Variants in NAV2 observed in about 807,000 individuals in gnomAD.
NAV2 encodes helicase, APC down-regulated 1.
A neutral mutation model predicts 223.2 loss-of-function variants in NAV2; 54 were observed. The ratio of observed to expected loss-of-function variants is 0.24; its 90% CI spans 0.19 to 0.30. The LOEUF (loss-of-function observed/expected upper bound fraction) is 0.30, where lower values mean the gene tolerates loss of function less well. Among genes scored for constraint, NAV2 ranks in the 10% least tolerant of loss-of-function variants. The pLI is 1.00. For synonymous variants in NAV2, 1,279 were observed against 1,239.3 expected, an observed-to-expected ratio of 1.03 and a Z score of -0.67; for missense variants, 2,806 against 3,147.5, an observed-to-expected ratio of 0.89 and a Z score of 2.60.
chr11:20,097,123 A>AT (rs1204591566), intron 30 of NAV2, among the ~76,000 whole-genome samples: 1 of 152,128 alleles, frequency 6.6e-6, no homozygotes, highest in Non-Finnish European at 1.5e-5. Context: ...TCTAGAGCTG[A>AT]TTTTTTCTAG....
At chr11:20,115,405 C>A (rs553682439) in intron 37 of NAV2, among the ~76,000 whole-genome samples, 1 of 151,796 alleles carries the variant, frequency 6.6e-6, no homozygotes. Flanking sequence ...GAGGCCAAGG[C>A]GGGTGGATCG....
intron 1 of NAV2, among the ~76,000 whole-genome samples, chr11:19,478,645 C>G (rs2042191076): frequency 6.6e-6 from 1 of 152,192 alleles, no homozygotes; most frequent in African/African-American, 2.4e-5. Flanking sequence ...GAGATAGTGC[C>G]CAATCTAAGC....
At position 20,117,730 on chromosome 11, in the gene NAV2, C is replaced by T. The variant is rs77064808; in HGVS notation, c.7165-403C>T. Reference sequence around the variant, plus strand: ...CCAGGAACAGGGATGCTCAGCCACACCTTCATCCAGGCCGAGGGCTAGGCC... The same window carrying T: ...CCAGGAACAGGGATGCTCAGCCACATCTTCATCCAGGCCGAGGGCTAGGCC... On this transcript the variant is annotated intron_variant, in intron 37 of 37. Transcript: ENST00000349880. Among the ~76,000 whole-genome samples, 620 of 152,274 alleles carry T rather than the reference C, an allele frequency of 4.1e-3. 4 individuals carry two copies. Among genetic ancestry groups the T allele is most frequent in the African/African-American group, 0.014 (586 of 41,562 alleles).
chr11:19,999,064 G>A (rs1411992760), intron 11 of NAV2, among the ~76,000 whole-genome samples: 1 of 152,224 alleles, frequency 6.6e-6, no homozygotes, highest in African/African-American at 2.4e-5. Flanking sequence ...CAGGGCTGAT[G>A]TGCAAAATGT....
chr11:19,512,767 T>C (rs913485452), intron 1 of NAV2, among the ~76,000 whole-genome samples: 2 of 152,208 alleles, frequency 1.3e-5, no homozygotes, highest in African/African-American at 4.8e-5. Context: ...GCAGTGTGTT[T>C]TCATACTGAC....
chr11:19,581,391 T>G (rs2045713046), intron 1 of NAV2, among the ~76,000 whole-genome samples: 1 of 152,188 alleles, frequency 6.6e-6, no homozygotes, highest in Non-Finnish European at 1.5e-5. Flanking sequence ...TTATTATACT[T>G]TAAGTTTTAG....
intron 10 of NAV2, among the ~76,000 whole-genome samples, chr11:19,951,032 G>C (rs1018926376): frequency 2.0e-5 from 3 of 152,140 alleles, no homozygotes; most frequent in East Asian, 3.9e-4. Flanking sequence ...AATCAAACAA[G>C]GTGGGTCAGA....
intron 1 of NAV2, among the ~76,000 whole-genome samples, chr11:19,739,231 A>G (rs777194767): frequency 1.3e-5 from 2 of 152,172 alleles, no homozygotes; most frequent in Non-Finnish European, 2.9e-5. Context: ...TTCCCTTGTA[A>G]TCCTCCCAAC....
intron 1 of NAV2, among the ~76,000 whole-genome samples, chr11:19,664,770 T>A (rs185889660): frequency 6.6e-6 from 1 of 152,324 alleles, no homozygotes; most frequent in South Asian, 2.1e-4. Context: ...TGGAGGAGAA[T>A]GTTGAGTTCC....
rs574575789 is a variant in NAV2 at position 19,808,479 on chromosome 11, T to C, written c.268-24005T>C. Among the ~76,000 whole-genome samples the C allele has an allele frequency of 2.4e-4, 37 of 152,368 alleles. 2 individuals carry two copies. In the South Asian group the frequency reaches 7.7e-3, roughly 32 times the overall value. ...GAAGCAGATGGTCTGCACAAAATGA[T>C]TAAATTAGTTTTATTAAGTTTGGAG... On this transcript the variant is annotated intron_variant, in intron 1 of 37. Coordinates refer to ENST00000349880, the MANE Select transcript of NAV2 (RefSeq NM_145117.5).
intron 1 of NAV2, among the ~76,000 whole-genome samples, chr11:19,433,873 CA>C (rs572753480): frequency 6.6e-6 from 1 of 152,074 alleles, no homozygotes; most frequent in African/African-American, 2.4e-5. Flanking sequence ...AGAAAAGTCT[CA>C]AAAAATAGAA....
At chr11:19,623,863 G>C (rs1171220652) in intron 1 of NAV2, among the ~76,000 whole-genome samples, 1 of 152,192 alleles carries the variant, frequency 6.6e-6, no homozygotes, top group African/African-American at 2.4e-5. Context: ...AGAATTTTCA[G>C]CTTTTCTGCT....
At chr11:19,822,940 G>A (rs998859731) in intron 1 of NAV2, among the ~76,000 whole-genome samples, 6 of 152,178 alleles carry the variant, frequency 3.9e-5, no homozygotes. Flanking sequence ...CTTCCCTGCT[G>A]TACCCTGGGG....
rs565465399 is a variant in NAV2 at position 19,776,984 on chromosome 11, TCC to T, written c.268-55496_268-55495del. The stretch of plus-strand genomic sequence containing the variant: ...TCCTCCCACCAACTCCGACCATCTT[TCC>T]CCCTTCGCGCCCACCGGCGGCAGTG... On this transcript the variant is annotated intron_variant, in intron 1 of 37. Coordinates refer to ENST00000349880, the MANE Select transcript of NAV2 (RefSeq NM_145117.5). Among the ~76,000 whole-genome samples, 269 of 151,032 alleles carry T rather than the reference TCC, an allele frequency of 1.8e-3. 1 individual carries two copies. The highest frequency in any genetic ancestry group is 2.9e-3 in the Non-Finnish European group (199 of 67,724).
chr11:20,118,313 C>T lies in NAV2; in HGVS notation c.*55C>T. ...TCTCCTCACCGCATTCCACCTGCAT[C>T]CCCCACATCACCCTGAAGATGACTT... On this transcript the variant is annotated 3_prime_UTR_variant, in exon 38 of 38. Transcript: ENST00000349880. 4 of 1,594,114 alleles carry T rather than the reference C, an allele frequency of 2.5e-6. No homozygotes were observed. Among genetic ancestry groups the T allele is most frequent in the Non-Finnish European group, 3.4e-6 (4 of 1,169,080 alleles).
intron 1 of NAV2, among the ~76,000 whole-genome samples, chr11:19,512,756 A>G (rs962906633): frequency 2.4e-4 from 36 of 152,234 alleles, no homozygotes; most frequent in Admixed American, 3.9e-4. Context: ...AGGGTTTCCC[A>G]GCAGTGTGTT....
At chr11:19,944,988 C>G (rs2046767164) in intron 8 of NAV2, among the ~76,000 whole-genome samples, 1 of 141,648 alleles carries the variant, frequency 7.1e-6, no homozygotes, top group Non-Finnish European at 1.6e-5. Context: ...TTTCCCTTTC[C>G]CTTTCCATTT....
chr11:19,867,556 A>G (rs1291129218), intron 3 of NAV2, among the ~76,000 whole-genome samples: 2 of 152,394 alleles, frequency 1.3e-5, no homozygotes, highest in East Asian at 1.9e-4. Context: ...GGCATAACGC[A>G]TAGCATCAAC....
At chr11:19,643,121 T>G (rs2047711469) in intron 1 of NAV2, among the ~76,000 whole-genome samples, 1 of 151,700 alleles carries the variant, frequency 6.6e-6, no homozygotes, top group South Asian at 2.1e-4. Context: ...TATACACAAT[T>G]ATATATATAC....
Sources: allele counts gnomAD v4.1 joint callset (sites outside exome capture counted in the v4.1 genomes callset), GRCh38; gene constraint gnomAD v4.1.1; transcripts MANE v1.5; gene names NCBI Gene and HGNC (gene_info 2026-07-23, HGNC 2026-07-21).